ARMC2: variants seen among roughly 807,000 people sequenced by gnomAD.
ARMC2 encodes armadillo repeat containing 2.
ARMC2 carries 67 observed loss-of-function variants against 90.3 expected under a neutral mutation model. The ratio of observed to expected loss-of-function variants is 0.74; its 90% CI spans 0.61 to 0.91. The LOEUF (loss-of-function observed/expected upper bound fraction) is 0.91. Ranked by LOEUF, ARMC2 falls within the 40% of genes least tolerant of loss-of-function variation. The pLI is 0.00. For missense variants in ARMC2, 920 were observed against 1,030.9 expected, an observed-to-expected ratio of 0.89 and a Z score of 1.47; for synonymous variants, 393 against 393.0, an observed-to-expected ratio of 1.00 and a Z score of 0.00.
intron 11 of ARMC2, 46 bp from the exon 12 acceptor site, chr6:108,936,854 A>G (rs1178782895): frequency 1.4e-6 from 2 of 1,471,632 alleles, no homozygotes; most frequent in Admixed American, 4.0e-5. Context: ...TGAATTTTAT[A>G]GAAAAACAAA....
At chr6:109,005,612 T>G in the ARMC2 span, among the ~76,000 whole-genome samples, 35 of 152,274 alleles carry the variant, frequency 2.3e-4, no homozygotes, top group African/African-American at 7.9e-4. Flanking sequence ...AACAGAGTAT[T>G]TCCTATATTT....
At position 108,953,140 on chromosome 6, in the gene ARMC2, A is replaced by G. The variant is rs773684080; in HGVS notation, c.1704A>G (p.Ser568=). ...KEKGSIQTLL[S]LFQTFHQLDL... is the part of the protein sequence containing the mutation. ...AAGGGAGCATCCAAACTCTGCTGTC[A>G]TTATTCCAGACGTTCCATCAGCTGG... The change falls in exon 13 of 18, where the codon TCA becomes TCG. Residue 568 remains serine (S), a synonymous_variant. Coordinates refer to ENST00000392644, the MANE Select transcript of ARMC2 (RefSeq NM_032131.6). The G allele has an allele frequency of 1.9e-6, 3 of 1,614,062 alleles. No homozygotes were observed. The highest frequency in any genetic ancestry group is 1.1e-5 in the South Asian group (1 of 91,088).
chr6:108,886,126 A>G (rs1439664373), intron 5 of ARMC2, among the ~76,000 whole-genome samples: 2 of 152,266 alleles, frequency 1.3e-5, no homozygotes, highest in East Asian at 1.9e-4. Context: ...TCTCTTATCC[A>G]TAAGCATCCT....
At chr6:108,961,118 T>C (rs1378561809) in intron 13 of ARMC2, among the ~76,000 whole-genome samples, 2 of 151,852 alleles carry the variant, frequency 1.3e-5, no homozygotes, top group Non-Finnish European at 1.5e-5. Flanking sequence ...TCTTCTAGAG[T>C]TCGTAGTCAC....
chr6:108,949,855 T>G (rs1231912041), intron 12 of ARMC2, among the ~76,000 whole-genome samples: 1 of 152,210 alleles, frequency 6.6e-6, no homozygotes, highest in African/African-American at 2.4e-5. Context: ...AATGAGAAGA[T>G]GACCCCTGGC....
chr6:108,852,061 A>C (rs997731014), intron 1 of ARMC2, among the ~76,000 whole-genome samples: 7 of 152,142 alleles, frequency 4.6e-5, no homozygotes, highest in African/African-American at 1.7e-4. Context: ...AAATTTTGTA[A>C]AGTTAGAATT....
At chr6:108,988,133 T>C in the ARMC2 span, among the ~76,000 whole-genome samples, 4 of 152,326 alleles carry the variant, frequency 2.6e-5, 1 homozygote, top group Non-Finnish European at 5.9e-5. Flanking sequence ...CATTTATATT[T>C]TATCATGTTT....
chr6:108,894,619 T>G (rs1771412315), intron 6 of ARMC2, 76 bp downstream of exon 6: 4 of 1,303,532 alleles, frequency 3.1e-6, no homozygotes, highest in Non-Finnish European at 4.2e-6. Context: ...GATATCTATG[T>G]TGGCCACTGG....
chr6:109,040,784 C>G, the ARMC2 span, among the ~76,000 whole-genome samples: 3 of 151,802 alleles, frequency 2.0e-5, no homozygotes, highest in African/African-American at 7.3e-5. Flanking sequence ...TCCTGAGTAG[C>G]TGGAACTACA....
intron 13 of ARMC2, among the ~76,000 whole-genome samples, chr6:108,960,440 C>T (rs149045985): frequency 5.8e-4 from 89 of 152,296 alleles, no homozygotes; most frequent in Middle Eastern, 3.4e-3. Context: ...CACTAAGGGC[C>T]TTATGTGCTA....
chr6:108,950,032 C>T (rs974081969), intron 12 of ARMC2, among the ~76,000 whole-genome samples: 6 of 152,052 alleles, frequency 3.9e-5, no homozygotes, highest in Admixed American at 6.6e-5. Context: ...ATGGTGAAAC[C>T]GCGTCTCTAC....
At chr6:109,016,197 C>T in the ARMC2 span, among the ~76,000 whole-genome samples, 16 of 152,038 alleles carry the variant, frequency 1.1e-4, no homozygotes, top group Non-Finnish European at 1.6e-4. Context: ...TTTATACTAA[C>T]GGTAATTTTT....
intron 2 of ARMC2, among the ~76,000 whole-genome samples, chr6:108,855,539 C>T (rs1393660555): frequency 1.3e-5 from 2 of 152,186 alleles, no homozygotes. Context: ...GCGTGAGCGA[C>T]CTCGCCCGGC....
chr6:108,875,276 G>A (rs1255866400), intron 4 of ARMC2, among the ~76,000 whole-genome samples: 1 of 152,162 alleles, frequency 6.6e-6, no homozygotes, highest in African/African-American at 2.4e-5. Flanking sequence ...CTCTTTAGAG[G>A]TATGTTTCAA....
the ARMC2 span, among the ~76,000 whole-genome samples, chr6:109,044,065 A>G: frequency 6.6e-6 from 1 of 152,104 alleles, no homozygotes; most frequent in African/African-American, 2.4e-5. Context: ...CTGTAATCCC[A>G]GCACTTTGGG....
At chr6:108,960,714 G>T (rs181246397) in intron 13 of ARMC2, among the ~76,000 whole-genome samples, 127 of 152,334 alleles carry the variant, frequency 8.3e-4, no homozygotes, top group African/African-American at 2.8e-3. Flanking sequence ...CAACAAGGCG[G>T]CATGTAAGCA....
chr6:108,945,016 C>T (rs1776707126), intron 12 of ARMC2, among the ~76,000 whole-genome samples: 2 of 152,074 alleles, frequency 1.3e-5, no homozygotes, highest in Admixed American at 1.3e-4. Flanking sequence ...CGGCTTAATG[C>T]CGTATGAAAG....
chr6:108,923,208 G>T (rs1309276752), intron 10 of ARMC2, among the ~76,000 whole-genome samples: 1 of 152,124 alleles, frequency 6.6e-6, no homozygotes, highest in Non-Finnish European at 1.5e-5. Context: ...CTTTTTTTAA[G>T]TAAGGGATTT....
the ARMC2 span, among the ~76,000 whole-genome samples, chr6:109,048,067 T>C: frequency 6.8e-6 from 1 of 148,030 alleles, no homozygotes; most frequent in South Asian, 2.2e-4. Context: ...TCCCCCTCTG[T>C]GAGAAACACC....
Sources: allele counts gnomAD v4.1 joint callset (sites outside exome capture counted in the v4.1 genomes callset), GRCh38; gene constraint gnomAD v4.1.1; transcripts MANE v1.5; gene names NCBI Gene and HGNC (gene_info 2026-07-23, HGNC 2026-07-21).